The following ARL13B variants were observed in gnomAD, a reference collection of about 807,000 sequenced individuals.
ARL13B encodes ARF like GTPase 13B, also known as ADP-ribosylation factor-like protein 13B.
A neutral mutation model predicts 56.1 loss-of-function variants in ARL13B; 36 were observed. That is an observed-to-expected ratio of 0.64 (90% CI 0.49 to 0.85). The LOEUF (loss-of-function observed/expected upper bound fraction) is 0.85. Among genes scored for constraint, ARL13B ranks in the 40% least tolerant of loss-of-function variants. The probability of loss-of-function intolerance (pLI) is 0.00; values close to 1 mark genes in which losing one functional copy is unlikely to be tolerated. For synonymous variants in ARL13B, 178 were observed against 171.1 expected, an observed-to-expected ratio of 1.04 and a Z score of -0.32; for missense variants, 519 against 507.1, an observed-to-expected ratio of 1.02 and a Z score of -0.23.
At chr3:94,025,250 C>CA (rs1452787179) in intron 3 of ARL13B, among the ~76,000 whole-genome samples, 7 of 150,934 alleles carry the variant, frequency 4.6e-5, no homozygotes, top group African/African-American at 1.7e-4. Flanking sequence ...AATTTACAAG[C>CA]AAAAAACAAA....
At chr3:94,041,676 C>T (rs1368254739) in intron 6 of ARL13B, among the ~76,000 whole-genome samples, 2 of 152,022 alleles carry the variant, frequency 1.3e-5, no homozygotes, top group African/African-American at 2.4e-5. Flanking sequence ...CCTAGTGACA[C>T]GTATGCACAA....
At chr3:94,047,041 C>T (rs1331558354) in intron 7 of ARL13B, among the ~76,000 whole-genome samples, 1 of 152,040 alleles carries the variant, frequency 6.6e-6, no homozygotes, top group Non-Finnish European at 1.5e-5. Flanking sequence ...CTCTAAAATG[C>T]AAATAAATAT....
At chr3:93,998,067 A>G (rs1245197137) in intron 2 of ARL13B, among the ~76,000 whole-genome samples, 1 of 152,240 alleles carries the variant, frequency 6.6e-6, no homozygotes, top group Non-Finnish European at 1.5e-5. Flanking sequence ...ATTTGAATTT[A>G]ATATAATTTT....
At chr3:93,986,421 T>G (rs1176805875) in intron 1 of ARL13B, among the ~76,000 whole-genome samples, 1 of 152,058 alleles carries the variant, frequency 6.6e-6, no homozygotes, top group Non-Finnish European at 1.5e-5. Flanking sequence ...TTTCGATACA[T>G]TTTTTTCTTT....
chr3:94,017,793 T>A (rs2076363010), intron 3 of ARL13B, among the ~76,000 whole-genome samples: 1 of 152,056 alleles, frequency 6.6e-6, no homozygotes, highest in Non-Finnish European at 1.5e-5. Context: ...GTATTGTAGG[T>A]CTAGGAGTTG....
chr3:94,015,817 G>A (rs536613031), intron 3 of ARL13B, among the ~76,000 whole-genome samples: 11 of 152,176 alleles, frequency 7.2e-5, no homozygotes, highest in East Asian at 1.9e-4. Context: ...TAAATTTTCC[G>A]AAGCCTCTGA....
rs1348097193 is a variant in ARL13B at position 94,053,412 on chromosome 3, T to G, written c.*149T>G. ...GAAGATTAATACTCAAGGACCTGAC[T>G]TGATAATTACTTATTTGTGTTTTTC... On this transcript the variant is annotated 3_prime_UTR_variant, in exon 10 of 10. Coordinates refer to ENST00000394222, the MANE Select transcript of ARL13B (RefSeq NM_001174150.2). The G allele has an allele frequency of 1.3e-6, 1 of 752,458 alleles. No homozygotes were observed. The highest frequency in any genetic ancestry group is 2.0e-5 in the Admixed American group (1 of 50,014). 46.6% of individuals were successfully genotyped at this position (752,458 alleles called of 1,614,324 possible). A position where few individuals can be genotyped will look rare whatever the true frequency, so the allele number is the denominator to read the frequency against.
chr3:93,988,803 A>C, intron 1 of ARL13B: 1 of 350,650 alleles, frequency 2.9e-6, no homozygotes, highest in Non-Finnish European at 5.6e-6. Flanking sequence ...TTTTTTTTTT[A>C]ATCTGAAGAT....
At chr3:94,021,408 T>C (rs1575995723) in intron 3 of ARL13B, among the ~76,000 whole-genome samples, 1 of 151,944 alleles carries the variant, frequency 6.6e-6, no homozygotes, top group African/African-American at 2.4e-5. Flanking sequence ...TTGGCCAGGC[T>C]CATCTTGAAC....
chr3:94,013,244 C>A (rs1012899983), intron 3 of ARL13B, among the ~76,000 whole-genome samples: 1 of 152,148 alleles, frequency 6.6e-6, no homozygotes, highest in Non-Finnish European at 1.5e-5. Context: ...AAAGAAGCAC[C>A]CCTTGACAGT....
chr3:94,018,454 T>C (rs1258381090), intron 3 of ARL13B, among the ~76,000 whole-genome samples: 1 of 152,160 alleles, frequency 6.6e-6, no homozygotes, highest in Non-Finnish European at 1.5e-5. Context: ...TGGCTCTTCC[T>C]TTATCACTAT....
intron 9 of ARL13B, among the ~76,000 whole-genome samples, chr3:94,052,870 A>AT (rs2077088347): frequency 1.3e-5 from 2 of 152,126 alleles, no homozygotes; most frequent in Admixed American, 1.3e-4. Flanking sequence ...AGGAATGGAA[A>AT]TTGGATTGGA....
In ARL13B at chr3:94,003,804, A is replaced by G; in HGVS notation, c.276A>G (p.Val92=). ...WKNYYAESYG[V]IFVVDSSDEE... is the part of the protein sequence containing the mutation. The stretch of plus-strand genomic sequence containing the variant: ...ATTACTATGCTGAATCCTATGGGGT[A>G]ATATTTGTTGTGGATTCCAGTGATG... Residue 92 remains valine (V), a synonymous_variant, in exon 3 of 10, where the codon GTA becomes GTG. Transcript: ENST00000394222. The G allele has an allele frequency of 6.2e-7, 1 of 1,613,770 alleles. No homozygotes were observed. The highest frequency in any genetic ancestry group is 8.5e-7 in the Non-Finnish European group (1 of 1,179,760).
chr3:94,038,481 T>C (rs963433302), intron 5 of ARL13B, among the ~76,000 whole-genome samples: 2 of 151,304 alleles, frequency 1.3e-5, no homozygotes, highest in Non-Finnish European at 2.9e-5. Flanking sequence ...TACTTGTGTT[T>C]CTTTCTTTTT....
intron 2 of ARL13B, among the ~76,000 whole-genome samples, chr3:93,996,853 C>T (rs549606255): frequency 1.8e-4 from 27 of 152,206 alleles, no homozygotes; most frequent in African/African-American, 6.3e-4. Flanking sequence ...GCCCACAAAG[C>T]AGGAGGTAAG....
chr3:94,007,859 T>A lies in ARL13B; in HGVS notation c.380+3951T>A, dbSNP rs1022010261. ...TTCTTTGTTTTATTAGCTCAGAAGT[T>A]CTTTTTGGCAGTTGTATAGCATTTA... On this transcript the variant is annotated intron_variant, in intron 3 of 9. Transcript: ENST00000394222. 4.6e-5 allele frequency among the ~76,000 whole-genome samples: 7 copies of A among 152,296 alleles called. No homozygotes were observed. In the East Asian group the frequency reaches 1.4e-3, roughly 29 times the overall value.
At chr3:94,046,838 TA>T (rs1288366250) in intron 7 of ARL13B, among the ~76,000 whole-genome samples, 1 of 152,190 alleles carries the variant, frequency 6.6e-6, no homozygotes, top group Non-Finnish European at 1.5e-5. Flanking sequence ...TTTAATATCA[TA>T]AAAAATCTTC....
intron 8 of ARL13B, among the ~76,000 whole-genome samples, 161 bp downstream of exon 8, chr3:94,049,683 A>G (rs1473474406): frequency 1.3e-5 from 2 of 152,148 alleles, no homozygotes; most frequent in African/African-American, 2.4e-5. Context: ...AAATTTGCTA[A>G]CACAAATGTC....
chr3:94,029,338 A>ATTTAT (rs2076627098), intron 3 of ARL13B, among the ~76,000 whole-genome samples: 5 of 59,024 alleles, frequency 8.5e-5, no homozygotes, highest in African/African-American at 3.3e-4. Context: ...ATATATATTT[A>ATTTAT]TTTTTTTTTT....
Sources: allele counts gnomAD v4.1 joint callset (sites outside exome capture counted in the v4.1 genomes callset), GRCh38; gene constraint gnomAD v4.1.1; transcripts MANE v1.5; gene names NCBI Gene and HGNC (gene_info 2026-07-23, HGNC 2026-07-21).